Variants in PLEKHA5 observed in about 807,000 individuals in gnomAD.
The protein encoded by PLEKHA5 is pleckstrin homology domain-containing family A member 5.
PLEKHA5 carries 55 observed loss-of-function variants against 181.9 expected under a neutral mutation model. The ratio of observed to expected loss-of-function variants is 0.30; its 90% confidence interval spans 0.24 to 0.38. PLEKHA5 has a LOEUF of 0.38. Ranked by LOEUF, PLEKHA5 falls within the 10% of genes least tolerant of loss-of-function variation. The pLI is 1.00. For missense variants in PLEKHA5, 1,432 were observed against 1,549.5 expected (o/e 0.92, Z 1.27); for synonymous variants, 535 against 529.4 (o/e 1.01, Z -0.15).
intron 3 of PLEKHA5, chr12:19,149,835 G>A (rs896877989): frequency 6.6e-6 from 1 of 152,196 alleles, no homozygotes; most frequent in African/African-American, 2.4e-5. Context: ...GGTCTCTTGA[G>A]GCCTAGATTC....
chr12:19,292,767 C>T (rs781024906), intron 15 of PLEKHA5, among the ~76,000 whole-genome samples: 15 of 152,072 alleles, frequency 9.9e-5, no homozygotes, highest in Admixed American at 3.3e-4. Flanking sequence ...GGCGAAACAC[C>T]GTCTCTACTA....
chr12:19,212,462 C>G (rs1272405373), intron 3 of PLEKHA5, among the ~76,000 whole-genome samples: 1 of 152,146 alleles, frequency 6.6e-6, no homozygotes, highest in South Asian at 2.1e-4. Context: ...GGGCTGATCA[C>G]CTGAGGCCAG....
intron 3 of PLEKHA5, chr12:19,200,293 A>G (rs1565458206): frequency 1.3e-6 from 2 of 1,494,698 alleles, no homozygotes; most frequent in Non-Finnish European, 1.8e-6. Flanking sequence ...TTTAAACATT[A>G]AAACAATTTT....
At chr12:19,273,891 A>G (rs533128342) in intron 10 of PLEKHA5, among the ~76,000 whole-genome samples, 85 of 152,300 alleles carry the variant, frequency 5.6e-4, no homozygotes, top group African/African-American at 1.9e-3. Context: ...CCATTTACCA[A>G]AGAGGAAGCA....
chr12:19,143,960 G>T (rs547195446), intron 3 of PLEKHA5, among the ~76,000 whole-genome samples: 1 of 151,944 alleles, frequency 6.6e-6, no homozygotes, highest in Non-Finnish European at 1.5e-5. Context: ...TTGTAGAATT[G>T]GAATTGAGAA....
intron 15 of PLEKHA5, among the ~76,000 whole-genome samples, chr12:19,296,134 T>A (rs1447168444): frequency 6.6e-6 from 1 of 151,490 alleles, no homozygotes; most frequent in Non-Finnish European, 1.5e-5. Context: ...CTTGGGAGGC[T>A]GAGACAGGAG....
chr12:19,347,454 A>G (rs2094391796), intron 24 of PLEKHA5, among the ~76,000 whole-genome samples: 1 of 151,992 alleles, frequency 6.6e-6, no homozygotes, highest in Non-Finnish European at 1.5e-5. Context: ...CCCATGATGA[A>G]GCAGCCGTAT....
chr12:19,301,240 T>G (rs2152915607), intron 15 of PLEKHA5, among the ~76,000 whole-genome samples: 1 of 152,320 alleles, frequency 6.6e-6, no homozygotes, highest in African/African-American at 2.4e-5. Flanking sequence ...TGTAAGATTT[T>G]CACTTCAGGA....
At chr12:19,250,890 AG>A (rs2065100948) in intron 3 of PLEKHA5, among the ~76,000 whole-genome samples, 2 of 152,182 alleles carry the variant, frequency 1.3e-5, no homozygotes, top group South Asian at 4.1e-4. Context: ...CAAAAAACGC[AG>A]GGCTTGGGGG....
intron 20 of PLEKHA5, among the ~76,000 whole-genome samples, chr12:19,331,558 G>A (rs1012251008): frequency 2.0e-5 from 3 of 152,082 alleles, no homozygotes; most frequent in Admixed American, 2.0e-4. Flanking sequence ...TAGCCGTCTA[G>A]CTAAATATTA....
intron 23 of PLEKHA5, among the ~76,000 whole-genome samples, chr12:19,346,208 G>A (rs553721972): frequency 6.6e-6 from 1 of 152,056 alleles, no homozygotes; most frequent in African/African-American, 2.4e-5. Context: ...TAGGATGATC[G>A]ATAGATAAGT....
At chr12:19,251,416 AAAAAAG>A (rs1333134570) in intron 3 of PLEKHA5, among the ~76,000 whole-genome samples, 72 of 151,944 alleles carry the variant, frequency 4.7e-4, no homozygotes, top group East Asian at 1.5e-3. Flanking sequence ...CAAAAAAAAA[AAAAAAG>A]AAAAGAAAAG....
At chr12:19,161,462 C>T (rs1315229198) in intron 3 of PLEKHA5, among the ~76,000 whole-genome samples, 2 of 152,204 alleles carry the variant, frequency 1.3e-5, no homozygotes, top group Non-Finnish European at 1.5e-5. Flanking sequence ...ACAGACTTAC[C>T]GGTTAGCTGC....
At chr12:19,236,372 C>A (rs1462874118) in intron 3 of PLEKHA5, among the ~76,000 whole-genome samples, 2 of 152,090 alleles carry the variant, frequency 1.3e-5, no homozygotes, top group Non-Finnish European at 2.9e-5. Flanking sequence ...GAGATCACTA[C>A]TATAGAATCT....
chr12:19,345,634 G>A (rs1260140267), intron 22 of PLEKHA5, among the ~76,000 whole-genome samples: 1 of 151,730 alleles, frequency 6.6e-6, no homozygotes, highest in Non-Finnish European at 1.5e-5. Context: ...GCGTGGTGGC[G>A]CACGCCTGTA....
chr12:19,337,535 C>T (rs1242144459), intron 21 of PLEKHA5, among the ~76,000 whole-genome samples: 2 of 123,212 alleles, frequency 1.6e-5, no homozygotes, highest in Non-Finnish European at 3.2e-5. Flanking sequence ...AGCGACAGAG[C>T]GAGACTCTAT....
chr12:19,238,778 G>T (rs1592163010), intron 3 of PLEKHA5, among the ~76,000 whole-genome samples: 2 of 61,704 alleles, frequency 3.2e-5, no homozygotes, highest in African/African-American at 7.0e-5. Context: ...TTTTTTGTAT[G>T]AACAGGAAAT....
In PLEKHA5 at chr12:19,322,695, A is replaced by G. The variant is rs748851543; in HGVS notation, c.2448+28A>G. ...AAGTAGATTTTTTTTTTCCCCTAAT[A>G]AAAGTAGCTTAAATATGTAGTTCTA... On this transcript the variant is annotated intron_variant, in intron 20 of 31. Transcript: ENST00000429027. 9 of 1,559,854 alleles carry G rather than the reference A, an allele frequency of 5.8e-6. No homozygotes were observed. The South Asian group carries it at 1.0e-4, about 18-fold the overall frequency.
intron 10 of PLEKHA5, among the ~76,000 whole-genome samples, chr12:19,272,967 C>T (rs1030783510): frequency 6.6e-6 from 1 of 152,152 alleles, no homozygotes; most frequent in South Asian, 2.1e-4. Context: ...AGTGCAGTGG[C>T]ACGATCTCAG....
Sources: allele counts gnomAD v4.1 joint callset (sites outside exome capture counted in the v4.1 genomes callset), GRCh38; gene constraint gnomAD v4.1.1; transcripts MANE v1.5; gene names NCBI Gene and HGNC (gene_info 2026-07-23, HGNC 2026-07-21).